Variants in CGNL1 observed in about 807,000 individuals in gnomAD.
CGNL1 encodes the protein cingulin like 1.
Under a neutral mutation model 141.2 loss-of-function variants are expected in CGNL1, and 132 were observed. The ratio of observed to expected loss-of-function variants is 0.93; its 90% CI spans 0.81 to 1.08. The LOEUF is 1.08. Among genes scored for constraint, CGNL1 ranks in the 50% least tolerant of loss-of-function variants. The pLI is 0.00. For missense variants in CGNL1, 1,870 were observed against 1,588.6 expected, an observed-to-expected ratio of 1.18 and a Z score of -3.01; for synonymous variants, 690 against 622.1, an observed-to-expected ratio of 1.11 and a Z score of -1.63.
intron 2 of CGNL1, 43 bp from the exon 3 acceptor site, chr15:57,440,334 G>A (rs1425508673): frequency 1.4e-6 from 2 of 1,449,432 alleles, no homozygotes; most frequent in East Asian, 2.4e-5. Context: ...GAAGCCTCTG[G>A]GAACTTCATC....
Position 57,547,546 on chromosome 15 carries a change from A to G in CGNL1, c.*56A>G. 2.5e-6 allele frequency: 4 copies of G among 1,587,678 alleles called. No homozygotes were observed. The highest frequency in any genetic ancestry group is 3.4e-6 in the Non-Finnish European group (4 of 1,165,570). On this transcript the variant is annotated 3_prime_UTR_variant, in exon 19 of 19. Coordinates refer to ENST00000281282, the MANE Select transcript of CGNL1 (RefSeq NM_032866.5). ...ATTCCTGCAGGAGCTGCAGCCACCC[A>G]AAGTGGGAGGCAGGGAGGGGAGCAT...
chr15:57,448,293 G>T (rs1297755693), intron 4 of CGNL1, among the ~76,000 whole-genome samples: 1 of 151,476 alleles, frequency 6.6e-6, no homozygotes, highest in Non-Finnish European at 1.5e-5. Context: ...CAGATATTGT[G>T]TACTGCTGTT....
chr15:57,380,520 C>T (rs1412899431), intron 1 of CGNL1, among the ~76,000 whole-genome samples: 9 of 152,156 alleles, frequency 5.9e-5, no homozygotes, highest in Non-Finnish European at 1.2e-4. Flanking sequence ...CCTGGCTAGC[C>T]TCGCCTGGGT....
intron 15 of CGNL1, 48 bp from the exon 16 acceptor site, chr15:57,544,425 G>A (rs1355580243): frequency 6.2e-7 from 1 of 1,612,080 alleles, no homozygotes; most frequent in African/African-American, 1.3e-5. Context: ...GCTCTGCACA[G>A]AGCGTGGCAG....
At chr15:57,391,152 C>G (rs181299736) in intron 1 of CGNL1, among the ~76,000 whole-genome samples, 1 of 152,166 alleles carries the variant, frequency 6.6e-6, no homozygotes, top group Non-Finnish European at 1.5e-5. Context: ...CACCCTGTTC[C>G]CAGTCTAGGG....
chr15:57,513,521 T>C (rs1232772002), intron 8 of CGNL1, among the ~76,000 whole-genome samples: 5 of 152,166 alleles, frequency 3.3e-5, no homozygotes, highest in Non-Finnish European at 4.4e-5. Flanking sequence ...TGTGAATATA[T>C]GTTTTTTCTT....
chr15:57,522,998 C>G (rs1479530387), intron 10 of CGNL1, among the ~76,000 whole-genome samples: 3 of 152,154 alleles, frequency 2.0e-5, no homozygotes, highest in South Asian at 4.1e-4. Context: ...GACCTTTGTT[C>G]TGTGGGGTAG....
intron 9 of CGNL1, 131 bp from the exon 10 acceptor site, chr15:57,518,262 G>A: frequency 1.5e-6 from 1 of 667,126 alleles, no homozygotes; most frequent in Non-Finnish European, 2.6e-6. Context: ...CCTTGGGTCT[G>A]TGACAGGTGC....
intron 1 of CGNL1, among the ~76,000 whole-genome samples, chr15:57,436,934 G>C (rs569489616): frequency 6.6e-6 from 1 of 152,058 alleles, no homozygotes; most frequent in South Asian, 2.1e-4. Context: ...CTTGGAAAAT[G>C]TGCTAGTAGA....
At position 57,439,476 on chromosome 15, in the gene CGNL1, A is replaced by T. The variant is rs1428089622; in HGVS notation, c.1477A>T (p.Lys493Ter). Residue 493 changes from lysine (K) to a stop codon, truncating the protein, a stop_gained, in exon 2 of 19, where the codon AAG becomes TAG. Coordinates refer to ENST00000281282, the MANE Select transcript of CGNL1 (RefSeq NM_032866.5). LOFTEE classifies it high-confidence loss of function. ...RAPSLGAQSKKEEEVKTATAT... is the reference protein window; with the variant it reads ...RAPSLGAQSK ...GCCCTCCCTTGGTGCACAGAGTAAA[A>T]AGGAGGAGGAGGTGAAAACAGCCAC... is the stretch of plus-strand genomic sequence containing the variant. 6.2e-7 allele frequency: 1 copy of T among 1,613,004 alleles called. No homozygotes were observed. Among genetic ancestry groups the T allele is most frequent in the South Asian group, 1.1e-5 (1 of 91,074 alleles).
intron 8 of CGNL1, among the ~76,000 whole-genome samples, chr15:57,513,948 A>C (rs1008198503): frequency 3.9e-5 from 6 of 152,194 alleles, no homozygotes; most frequent in Admixed American, 2.0e-4. Flanking sequence ...TTACATTCCT[A>C]CCAGCAATGT....
intron 8 of CGNL1, among the ~76,000 whole-genome samples, chr15:57,486,749 T>C (rs2063790520): frequency 6.6e-6 from 1 of 152,136 alleles, no homozygotes; most frequent in Non-Finnish European, 1.5e-5. Flanking sequence ...CGTGTTGAGT[T>C]TGAGGCATCT....
chr15:57,415,603 T>A (rs1341566391), intron 1 of CGNL1, among the ~76,000 whole-genome samples: 1 of 152,202 alleles, frequency 6.6e-6, no homozygotes, highest in African/African-American at 2.4e-5. Context: ...TTAAAAGTCT[T>A]CCAGATTCTA....
At chr15:57,427,404 A>T (rs1251622128) in intron 1 of CGNL1, among the ~76,000 whole-genome samples, 5 of 152,114 alleles carry the variant, frequency 3.3e-5, no homozygotes, top group Non-Finnish European at 5.9e-5. Flanking sequence ...TCTCTCTGGG[A>T]CCCGTGCAAA....
At chr15:57,377,164 A>G (rs2062373045) in intron 1 of CGNL1, 1 of 152,146 alleles carries the variant, frequency 6.6e-6, no homozygotes, top group South Asian at 2.1e-4. Context: ...GCCTCTAGAC[A>G]GGTACTTGGC....
At chr15:57,531,595 A>T (rs1388952240) in intron 13 of CGNL1, 95 bp from the exon 14 acceptor site, 1 of 780,002 alleles carries the variant, frequency 1.3e-6, no homozygotes, top group South Asian at 1.5e-5. Flanking sequence ...GTTAGCTCTC[A>T]TTTGCCCTTA....
chr15:57,478,433 T>A (rs142099461), intron 8 of CGNL1: 60 of 152,334 alleles, frequency 3.9e-4, no homozygotes, highest in African/African-American at 1.3e-3. Context: ...TGGTTAAACA[T>A]CCTCAAGTCA....
intron 8 of CGNL1, among the ~76,000 whole-genome samples, chr15:57,513,101 C>A (rs1022559964): frequency 1.3e-5 from 2 of 152,102 alleles, no homozygotes; most frequent in African/African-American, 4.8e-5. Context: ...TTCCTAACCC[C>A]TAAAAAGAAA....
At chr15:57,468,443 G>T (rs544567294) in intron 8 of CGNL1, among the ~76,000 whole-genome samples, 1 of 151,732 alleles carries the variant, frequency 6.6e-6, no homozygotes, top group South Asian at 2.1e-4. Context: ...CGTTGCTCAG[G>T]CTGGTCTTGA....
Sources: gnomAD v4.1 joint callset for allele counts (sites outside exome capture counted in the v4.1 genomes callset) on GRCh38, gnomAD v4.1.1 for gene constraint, MANE v1.5 for transcripts, NCBI Gene and HGNC (gene_info 2026-07-23, HGNC 2026-07-21) for gene names.